Variants in KIAA1328 observed in about 807,000 individuals in gnomAD.
The protein encoded by KIAA1328 is protein hinderin.
A neutral mutation model predicts 68.1 loss-of-function variants in KIAA1328; 52 were observed. That is an observed-to-expected ratio of 0.76 (90% confidence interval 0.61 to 0.96). The LOEUF is 0.96. Ranked by LOEUF, KIAA1328 falls within the 40% of genes least tolerant of loss-of-function variation. The pLI is 0.00. For synonymous variants in KIAA1328, 232 were observed against 239.4 expected (o/e 0.97, Z 0.28); for missense variants, 641 against 677.6 (o/e 0.95, Z 0.60).
chr18:36,957,707 A>T (rs2051480800), intron 5 of KIAA1328, among the ~76,000 whole-genome samples: 1 of 152,184 alleles, frequency 6.6e-6, no homozygotes, highest in Non-Finnish European at 1.5e-5. Context: ...TTTATGTTTA[A>T]TATAGTTAGG....
chr18:37,100,594 G>A (rs979787760), intron 7 of KIAA1328, among the ~76,000 whole-genome samples: 2 of 152,228 alleles, frequency 1.3e-5, no homozygotes, highest in African/African-American at 2.4e-5. Context: ...ACCTCTGGGG[G>A]CAGGGCATAG....
chr18:37,038,684 G>A (rs569873313), intron 6 of KIAA1328, among the ~76,000 whole-genome samples: 7 of 152,072 alleles, frequency 4.6e-5, no homozygotes, highest in African/African-American at 1.7e-4. Flanking sequence ...TTTTCATAAT[G>A]TATGTCTTTT....
chr18:37,104,332 G>A (rs534082046), intron 7 of KIAA1328, among the ~76,000 whole-genome samples: 1 of 152,152 alleles, frequency 6.6e-6, no homozygotes, highest in Non-Finnish European at 1.5e-5. Context: ...CCATTAAGCT[G>A]TAAAAATGAA....
chr18:37,058,252 G>A (rs766800791), intron 6 of KIAA1328, among the ~76,000 whole-genome samples: 7 of 152,032 alleles, frequency 4.6e-5, no homozygotes, highest in South Asian at 2.1e-4. Context: ...CCCCTTCCTC[G>A]TTGTTGCTTA....
rs539259391 is a variant in KIAA1328 at position 37,028,142 on chromosome 18, C to A, written c.577-38748C>A. Reference sequence around the variant, plus strand: ...TTCTCAATGTTAGCTCCTACTTGTACGTGAGAACATGTGGTATTTGGTTTT... The same window carrying A: ...TTCTCAATGTTAGCTCCTACTTGTAAGTGAGAACATGTGGTATTTGGTTTT... On this transcript the variant is annotated intron_variant, in intron 6 of 9. Transcript: ENST00000280020. 5.0e-4 allele frequency among the ~76,000 whole-genome samples: 76 copies of A among 152,248 alleles called. 1 individual carries two copies. The highest frequency in any genetic ancestry group is 4.3e-3 in the South Asian group (21 of 4,832).
chr18:37,141,535 A>G (rs931035568), intron 7 of KIAA1328, among the ~76,000 whole-genome samples: 2 of 152,230 alleles, frequency 1.3e-5, no homozygotes, highest in Admixed American at 1.3e-4. Flanking sequence ...TTGGCAAAAC[A>G]AAAGACAACT....
chr18:37,094,386 T>G (rs1381829022), intron 7 of KIAA1328, among the ~76,000 whole-genome samples: 1 of 151,302 alleles, frequency 6.6e-6, no homozygotes, highest in Non-Finnish European at 1.5e-5. Context: ...CAGTCAAGAG[T>G]ACTATAGCCA....
intron 6 of KIAA1328, among the ~76,000 whole-genome samples, chr18:36,962,821 G>C (rs2051745582): frequency 6.6e-6 from 1 of 152,200 alleles, no homozygotes; most frequent in Non-Finnish European, 1.5e-5. Context: ...TTAAAGCACT[G>C]TGTAGAGGGA....
intron 5 of KIAA1328, chr18:36,921,308 A>G (rs1212200303): frequency 6.6e-6 from 1 of 151,948 alleles, no homozygotes; most frequent in Non-Finnish European, 1.5e-5. Context: ...ACTTTAAGCC[A>G]TCTTTGATTT....
intron 3 of KIAA1328, among the ~76,000 whole-genome samples, chr18:36,835,619 A>G (rs755997949): frequency 2.0e-5 from 3 of 152,184 alleles, no homozygotes; most frequent in South Asian, 2.1e-4. Flanking sequence ...TATTATCTTG[A>G]TATGTCTCAA....
intron 7 of KIAA1328, among the ~76,000 whole-genome samples, chr18:37,123,201 A>G (rs2151939059): frequency 6.6e-6 from 1 of 152,320 alleles, no homozygotes; most frequent in African/African-American, 2.4e-5. Flanking sequence ...AAAATCAAAG[A>G]GAGAAGAAAA....
intron 3 of KIAA1328, among the ~76,000 whole-genome samples, chr18:36,843,739 A>G (rs1162788475): frequency 6.6e-6 from 1 of 152,172 alleles, no homozygotes; most frequent in Non-Finnish European, 1.5e-5. Context: ...TGAGCACTAG[A>G]TGTAATTGTT....
intron 8 of KIAA1328, among the ~76,000 whole-genome samples, chr18:37,172,516 T>A (rs1022391850): frequency 6.6e-6 from 1 of 152,188 alleles, no homozygotes; most frequent in Non-Finnish European, 1.5e-5. Flanking sequence ...GACATGTGTT[T>A]TAGCCAATGT....
chr18:36,862,038 GAAAC>G (rs946997027), intron 4 of KIAA1328, among the ~76,000 whole-genome samples: 5 of 152,206 alleles, frequency 3.3e-5, no homozygotes, highest in African/African-American at 1.2e-4. Context: ...TTTAAAAAAA[GAAAC>G]AACTTTTTGT....
chr18:36,834,454 G>C, intron 2 of KIAA1328, 99 bp downstream of exon 2: 1 of 1,040,230 alleles, frequency 9.6e-7, no homozygotes, highest in Non-Finnish European at 1.3e-6. Context: ...ATAAATAACT[G>C]AATGCAGAGC....
chr18:36,885,822 T>A, intron 5 of KIAA1328, 150 bp downstream of exon 5: 1 of 551,718 alleles, frequency 1.8e-6, no homozygotes, highest in Non-Finnish European at 3.2e-6. Flanking sequence ...GTTCAAGCGA[T>A]TCTCCTACCT....
At chr18:36,841,869 T>A (rs1462578571) in intron 3 of KIAA1328, among the ~76,000 whole-genome samples, 1 of 152,234 alleles carries the variant, frequency 6.6e-6, no homozygotes, top group African/African-American at 2.4e-5. Flanking sequence ...TGAGCTCATA[T>A]CCATTTGTAT....
At chr18:36,842,372 A>G (rs2150799761) in intron 3 of KIAA1328, among the ~76,000 whole-genome samples, 1 of 152,304 alleles carries the variant, frequency 6.6e-6, no homozygotes, top group South Asian at 2.1e-4. Context: ...TGACACTGTC[A>G]GTAACAGGAA....
At chr18:37,134,404 A>AATTTATTAATTTATT (rs2058595807) in intron 7 of KIAA1328, among the ~76,000 whole-genome samples, 2 of 152,164 alleles carry the variant, frequency 1.3e-5, no homozygotes, top group African/African-American at 2.4e-5. Flanking sequence ...TAATATGTAA[A>AATTTATTAATTTATT]TATTTATTAA....
Sources: allele counts gnomAD v4.1 joint callset (sites outside exome capture counted in the v4.1 genomes callset), GRCh38; gene constraint gnomAD v4.1.1; transcripts MANE v1.5; gene names NCBI Gene and HGNC (gene_info 2026-07-23, HGNC 2026-07-21).